The following CSF1R variants were observed in gnomAD, a reference collection of about 807,000 sequenced individuals.
CSF1R encodes the protein colony stimulating factor 1 receptor, also known as macrophage colony-stimulating factor 1 receptor.
A neutral mutation model predicts 110.0 loss-of-function variants in CSF1R; 40 were observed. That is an observed-to-expected ratio of 0.36 (90% CI 0.28 to 0.47). The LOEUF (loss-of-function observed/expected upper bound fraction) is 0.47, where lower values mean the gene tolerates loss of function less well. Ranked by LOEUF, CSF1R falls within the 20% of genes least tolerant of loss-of-function variation. The pLI, the probability that CSF1R is intolerant of heterozygous loss-of-function variation, is 0.99. For missense variants in CSF1R, 1,052 were observed against 1,253.0 expected, an observed-to-expected ratio of 0.84 and a Z score of 2.42; for synonymous variants, 523 against 503.4, an observed-to-expected ratio of 1.04 and a Z score of -0.52.
intron 1 of CSF1R, among the ~76,000 whole-genome samples, chr5:150,083,794 C>T (rs532750730): frequency 4.3e-4 from 65 of 152,304 alleles, no homozygotes; most frequent in Non-Finnish European, 7.6e-4. Context: ...CAGGCAGCTC[C>T]TCTATGTTCA....
intron 1 of CSF1R, among the ~76,000 whole-genome samples, chr5:150,106,088 C>T (rs1163430534): frequency 1.3e-5 from 2 of 152,206 alleles, no homozygotes; most frequent in East Asian, 3.8e-4. Context: ...CGATCCTGAC[C>T]TCCCCCAGCA....
chr5:150,082,934 C>G (rs1207355827), intron 1 of CSF1R, among the ~76,000 whole-genome samples: 1 of 152,186 alleles, frequency 6.6e-6, no homozygotes, highest in Admixed American at 6.5e-5. Flanking sequence ...TTTACACCTG[C>G]CTCACACCTT....
At chr5:150,084,914 T>C (rs936388105) in intron 1 of CSF1R, among the ~76,000 whole-genome samples, 5 of 152,146 alleles carry the variant, frequency 3.3e-5, no homozygotes, top group African/African-American at 1.2e-4. Context: ...GGGTACACTG[T>C]GTGTGCATTT....
chr5:150,080,857 T>C lies in CSF1R; in HGVS notation c.217A>G (p.Asn73Asp), dbSNP rs1351811725. The C allele has an allele frequency of 5.0e-6, 8 of 1,614,058 alleles. No individual in the cohort carries two copies. The highest frequency in any genetic ancestry group is 8.5e-7 in the Non-Finnish European group (1 of 1,180,000). ...GTCCCCGTGTTTTGGAAGGTAGCGTTGTTGGTGCTGAGGATGCTGCTGGAG... is the reference window on the plus strand; with the variant it reads ...GTCCCCGTGTTTTGGAAGGTAGCGTCGTTGGTGCTGAGGATGCTGCTGGAG... ...DGSSSILSTNNATFQNTGTYR... is the reference protein window; with the variant it reads ...DGSSSILSTNDATFQNTGTYR... Residue 73 changes from asparagine (N) to aspartate (D), a missense_variant, in exon 2 of 21, where the codon AAC becomes GAC. Around this residue, in one of 5 missense-constraint regions of CSF1R, gnomAD observed 693 missense variants for 735.4 expected, o/e 0.94. Coordinates refer to ENST00000675795, the MANE Select transcript of CSF1R (RefSeq NM_001288705.3).
intron 6 of CSF1R, among the ~76,000 whole-genome samples, chr5:150,072,085 T>C (rs1263037565): frequency 4.6e-5 from 7 of 152,208 alleles, no homozygotes. Flanking sequence ...TGAGGCCGCA[T>C]CTACACTCTG....
intron 3 of CSF1R, 49 bp from the exon 4 acceptor site, chr5:150,078,297 T>A (rs752444841): frequency 7.5e-6 from 12 of 1,605,838 alleles, no homozygotes; most frequent in Non-Finnish European, 1.0e-5. Flanking sequence ...CTGAACATGA[T>A]AGAGATATTG....
chr5:150,095,083 G>C (rs1367328789), intron 1 of CSF1R: 9 of 439,132 alleles, frequency 2.0e-5, no homozygotes, highest in African/African-American at 4.7e-5. Flanking sequence ...AAGCTGGTTG[G>C]TTAATAAACA....
rs1757047048 is a variant in CSF1R at position 150,053,896 on chromosome 5, G to T, written c.*173C>A. 4.5e-6 allele frequency: 3 copies of T among 667,370 alleles called. No homozygotes were observed. The highest frequency in any genetic ancestry group is 5.0e-5 in the Admixed American group (2 of 39,808). 41.3% of individuals were successfully genotyped at this position (667,370 alleles called of 1,614,324 possible). On this transcript the variant is annotated 3_prime_UTR_variant, in exon 21 of 21. Coordinates refer to ENST00000675795, the MANE Select transcript of CSF1R (RefSeq NM_001288705.3). ...GGCAGTGATGGCCCATGCTCAGGAA[G>T]TGGGATCCTCTGACCTCCCCTGAAT...
At position 150,086,528 on chromosome 5, in the gene CSF1R, C is replaced by T. The variant is rs560184933; in HGVS notation, c.-101G>A. ...CGCAGGGATCGGGACACTGGACACA[C>T]GTTCCTCTCCTCTGCACTGGCTGTT... On this transcript the variant is annotated 5_prime_UTR_variant, in exon 1 of 21. In the 5' UTR this introduces an upstream ATG that the reference lacks. Transcript: ENST00000675795. 2.8e-5 allele frequency: 31 copies of T among 1,103,866 alleles called. No homozygotes were observed. Among genetic ancestry groups the T allele is most frequent in the East Asian group, 1.5e-4 (6 of 39,322 alleles). 68.4% of individuals were successfully genotyped at this position (1,103,866 alleles called of 1,614,324 possible). A position where few individuals can be genotyped will look rare whatever the true frequency, so the allele number is the denominator to read the frequency against.
chr5:150,056,133 C>G lies in CSF1R; in HGVS notation c.2447G>C (p.Arg816Pro), dbSNP rs1214473761. 3.1e-6 allele frequency: 5 copies of G among 1,614,192 alleles called. No individual in the cohort carries two copies. The highest frequency in any genetic ancestry group is 4.2e-6 in the Non-Finnish European group (5 of 1,180,028). The change falls in exon 18 of 21, where the codon CGC (arginine) becomes CCC (proline). Residue 816 changes from arginine (R) to proline (P), a missense_variant. Physicochemically the swap from Arg to Pro is moderately radical, Grantham distance 103. Coordinates refer to ENST00000675795, the MANE Select transcript of CSF1R (RefSeq NM_001288705.3). ...TGGGGCCATCCACTTCACAGGCAGG[C>G]GGGCCTGGGATGACAGTCCCCAGTT... ...DSNYIVKGNA[R>P]LPVKWMAPES...
intron 5 of CSF1R, chr5:150,076,861 C>T (rs1232134479): frequency 1.2e-5 from 3 of 243,998 alleles, no homozygotes; most frequent in East Asian, 9.9e-5. Context: ...GCCACCTTCT[C>T]GAAGCCTGGG....
chr5:150,074,331 AGAGTCTT>A (rs1758165096), intron 5 of CSF1R, among the ~76,000 whole-genome samples: 1 of 132,622 alleles, frequency 7.5e-6, no homozygotes, highest in Non-Finnish European at 1.6e-5. Context: ...TTTTTGAAAC[AGAGTCTT>A]GCTCTGTCAT....
chr5:150,094,524 G>A, intron 1 of CSF1R: 4 of 1,599,614 alleles, frequency 2.5e-6, no homozygotes, highest in Non-Finnish European at 2.5e-6. Context: ...GGCGAGGATG[G>A]CAAGAAAAGC....
chr5:150,073,251 A>C, intron 6 of CSF1R, 50 bp downstream of exon 6: 7 of 1,563,004 alleles, frequency 4.5e-6, no homozygotes, highest in Non-Finnish European at 6.1e-6. Context: ...TTGCTGAAGC[A>C]TACCCCATCT....
intron 9 of CSF1R, among the ~76,000 whole-genome samples, 197 bp downstream of exon 9, chr5:150,069,676 C>G (rs1306374581): frequency 6.6e-6 from 1 of 152,120 alleles, no homozygotes; most frequent in Non-Finnish European, 1.5e-5. Context: ...ACTACCCCGT[C>G]CTACTGCTTC....
intron 1 of CSF1R, among the ~76,000 whole-genome samples, chr5:150,107,850 G>C (rs941085361): frequency 2.0e-5 from 3 of 152,208 alleles, no homozygotes; most frequent in Non-Finnish European, 4.4e-5. Flanking sequence ...GCAGGTGAAG[G>C]GCATGCAACA....
At chr5:150,111,070 C>G (rs1188841291) in intron 1 of CSF1R, among the ~76,000 whole-genome samples, 3 of 152,100 alleles carry the variant, frequency 2.0e-5, no homozygotes, top group Non-Finnish European at 4.4e-5. Context: ...AAGGAAATAT[C>G]CTGATGCCCA....
At chr5:150,100,973 T>G (rs1228717860) in intron 1 of CSF1R, among the ~76,000 whole-genome samples, 1 of 152,084 alleles carries the variant, frequency 6.6e-6, no homozygotes, top group Non-Finnish European at 1.5e-5. Context: ...GTCTCTCCCC[T>G]CTTTATGGTA....
At chr5:150,055,119 G>T in intron 19 of CSF1R, 118 bp downstream of exon 19, 1 of 846,960 alleles carries the variant, frequency 1.2e-6, no homozygotes, top group Non-Finnish European at 1.9e-6. Context: ...CTATGGGAGA[G>T]ATAAAGTCTG....
Sources: gnomAD v4.1 joint callset for allele counts (sites outside exome capture counted in the v4.1 genomes callset) on GRCh38, gnomAD v4.1.1 for gene constraint, gnomAD v4.1.1 regional missense constraint, MANE v1.5 for transcripts, NCBI Gene and HGNC (gene_info 2026-07-23, HGNC 2026-07-21) for gene names.